CBLB: variants seen among roughly 807,000 people sequenced by gnomAD.
CBLB encodes the protein E3 ubiquitin-protein ligase CBL-B.
CBLB carries 31 observed loss-of-function variants against 104.9 expected under a neutral mutation model. The ratio of observed to expected loss-of-function variants is 0.30; its 90% CI spans 0.22 to 0.40. CBLB has a LOEUF of 0.40. Ranked by LOEUF, CBLB falls within the 10% of genes least tolerant of loss-of-function variation. The pLI is 1.00. For synonymous variants in CBLB, 440 were observed against 422.6 expected (o/e 1.04, Z -0.51); for missense variants, 1,062 against 1,214.6 (o/e 0.87, Z 1.87).
intron 9 of CBLB, among the ~76,000 whole-genome samples, chr3:105,730,390 A>G (rs2074184560): frequency 1.3e-5 from 2 of 152,122 alleles, no homozygotes; most frequent in Admixed American, 1.3e-4. Flanking sequence ...TAATTCTCAG[A>G]AAAGTATTGT....
chr3:105,861,801 A>G (rs532454862), intron 2 of CBLB, among the ~76,000 whole-genome samples: 125 of 152,186 alleles, frequency 8.2e-4, no homozygotes, highest in African/African-American at 2.9e-3. Context: ...TTACAGTTCT[A>G]GAACAATTTT....
intron 10 of CBLB, among the ~76,000 whole-genome samples, chr3:105,717,984 G>T (rs2072169506): frequency 6.6e-6 from 1 of 152,070 alleles, no homozygotes; most frequent in Non-Finnish European, 1.5e-5. Context: ...TTACGAAGGG[G>T]TAAACTGAGG....
chr3:105,710,656 T>C (rs1416552018), intron 10 of CBLB, among the ~76,000 whole-genome samples: 1 of 151,934 alleles, frequency 6.6e-6, no homozygotes, highest in Non-Finnish European at 1.5e-5. Flanking sequence ...CCAGTATATT[T>C]GTCTAACTAA....
chr3:105,796,032 T>C (rs2082221436), intron 3 of CBLB, among the ~76,000 whole-genome samples: 1 of 152,136 alleles, frequency 6.6e-6, no homozygotes, highest in Non-Finnish European at 1.5e-5. Flanking sequence ...AACACCGTGA[T>C]TTTTTAAAAA....
At chr3:105,804,391 G>C (rs1469673712) in intron 3 of CBLB, among the ~76,000 whole-genome samples, 1 of 151,948 alleles carries the variant, frequency 6.6e-6, no homozygotes, top group Non-Finnish European at 1.5e-5. Context: ...CGTGGTGGCA[G>C]GCGCCTGTGA....
At chr3:105,861,677 G>GCACA (rs1352556795) in intron 2 of CBLB, among the ~76,000 whole-genome samples, 2 of 136,676 alleles carry the variant, frequency 1.5e-5, no homozygotes, top group East Asian at 2.4e-4. Context: ...TATGGTGTGT[G>GCACA]CACACATACA....
chr3:105,685,510 C>CA (rs1398694739), intron 13 of CBLB, 44 bp from the exon 14 acceptor site: 1 of 1,515,654 alleles, frequency 6.6e-7, no homozygotes. Flanking sequence ...GCATAATATT[C>CA]AAAACAGGCA....
At chr3:105,706,861 T>C (rs1559899647) in intron 10 of CBLB, among the ~76,000 whole-genome samples, 2 of 152,324 alleles carry the variant, frequency 1.3e-5, no homozygotes, top group East Asian at 3.9e-4. Flanking sequence ...ATGTACACAC[T>C]GCAAAGACTG....
chr3:105,661,821 T>C (rs761014744), intron 18 of CBLB, among the ~76,000 whole-genome samples: 1 of 152,192 alleles, frequency 6.6e-6, no homozygotes, highest in Non-Finnish European at 1.5e-5. Context: ...AGGTATTATT[T>C]ATCCCTTTCA....
intron 6 of CBLB, among the ~76,000 whole-genome samples, chr3:105,744,914 G>A: frequency 6.6e-6 from 1 of 152,054 alleles, no homozygotes; most frequent in Admixed American, 6.6e-5. Flanking sequence ...TGGTGACAGA[G>A]CAAGACTCCA....
intron 3 of CBLB, among the ~76,000 whole-genome samples, chr3:105,802,372 G>A (rs922612502): frequency 6.6e-6 from 1 of 152,170 alleles, no homozygotes; most frequent in Non-Finnish European, 1.5e-5. Flanking sequence ...CTCCGGTAAA[G>A]AGAATCCCTA....
intron 3 of CBLB, among the ~76,000 whole-genome samples, chr3:105,811,790 A>T (rs1198842694): frequency 6.6e-6 from 1 of 151,968 alleles, no homozygotes; most frequent in Non-Finnish European, 1.5e-5. Context: ...GCTCACAGCA[A>T]CCTCCACCTC....
intron 9 of CBLB, among the ~76,000 whole-genome samples, chr3:105,726,803 T>C (rs2073706748): frequency 6.6e-6 from 1 of 152,204 alleles, no homozygotes; most frequent in African/African-American, 2.4e-5. Context: ...ACATGCAGTG[T>C]TGGCTTTTCT....
intron 2 of CBLB, among the ~76,000 whole-genome samples, chr3:105,857,578 TG>T (rs1457605743): frequency 2.0e-5 from 3 of 152,190 alleles, no homozygotes; most frequent in Non-Finnish European, 4.4e-5. Flanking sequence ...TACAAGAGCT[TG>T]TATCTTCTGA....
chr3:105,773,041 T>C (rs889381352), intron 4 of CBLB, among the ~76,000 whole-genome samples: 6 of 152,144 alleles, frequency 3.9e-5, no homozygotes, highest in Non-Finnish European at 8.8e-5. Context: ...GCCAGATACC[T>C]GGTCAAAGGA....
chr3:105,706,668 T>C (rs2070198305), intron 10 of CBLB, among the ~76,000 whole-genome samples: 1 of 152,180 alleles, frequency 6.6e-6, no homozygotes, highest in African/African-American at 2.4e-5. Flanking sequence ...AATTATATTC[T>C]CTGAGAACTA....
intron 3 of CBLB, among the ~76,000 whole-genome samples, chr3:105,840,777 A>G (rs1294838104): frequency 6.6e-6 from 1 of 152,154 alleles, no homozygotes; most frequent in Non-Finnish European, 1.5e-5. Flanking sequence ...TATATCACAT[A>G]ATTTCAACCT....
chr3:105,806,031 C>T (rs577091681), intron 3 of CBLB, among the ~76,000 whole-genome samples: 14 of 151,564 alleles, frequency 9.2e-5, no homozygotes, highest in South Asian at 6.3e-4. Context: ...CCATGGTCTA[C>T]ATATGGGGAA....
chr3:105,717,620 T>G (rs1482921168), intron 10 of CBLB, among the ~76,000 whole-genome samples: 1 of 152,218 alleles, frequency 6.6e-6, no homozygotes, highest in Non-Finnish European at 1.5e-5. Context: ...GGAGGTATTA[T>G]TCTTCTCATT....
Sources: gnomAD v4.1 joint callset for allele counts (sites outside exome capture counted in the v4.1 genomes callset) on GRCh38, gnomAD v4.1.1 for gene constraint, MANE v1.5 for transcripts, NCBI Gene and HGNC (gene_info 2026-07-23, HGNC 2026-07-21) for gene names.